The following TRIM37 variants were observed in gnomAD, a reference collection of about 807,000 sequenced individuals.
TRIM37 encodes tripartite motif containing 37, also known as E3 ubiquitin-protein ligase TRIM37.
A neutral mutation model predicts 129.8 loss-of-function variants in TRIM37; 80 were observed. The ratio of observed to expected loss-of-function variants is 0.62; its 90% CI spans 0.51 to 0.74. The LOEUF (loss-of-function observed/expected upper bound fraction) is 0.74, where lower values mean the gene tolerates loss of function less well. Ranked by LOEUF, TRIM37 falls within the 30% of genes least tolerant of loss-of-function variation. The pLI is 0.00. For missense variants in TRIM37, 1,054 were observed against 1,176.5 expected (o/e 0.90, Z 1.52); for synonymous variants, 389 against 387.1 (o/e 1.00, Z -0.06).
At chr17:59,090,677 G>A (rs2044214528) in intron 3 of TRIM37, among the ~76,000 whole-genome samples, 1 of 152,022 alleles carries the variant, frequency 6.6e-6, no homozygotes, top group African/African-American at 2.4e-5. Flanking sequence ...CTTGGCTCAA[G>A]TGCAGCAGTA....
rs2039114440 is a variant in TRIM37 at position 59,041,181 on chromosome 17, C to CA, written c.1753+631dup. Among the ~76,000 whole-genome samples, 3 of 152,050 alleles carry CA rather than the reference C, an allele frequency of 2.0e-5. No homozygotes were observed. In the South Asian group the frequency reaches 6.2e-4, roughly 32 times the overall value. Reference sequence around the variant, plus strand: ...TTAATTAAATAGATCCGAGAACACACAAAAAAGTACTCATTATATAAGTCA... The same window carrying CA: ...TTAATTAAATAGATCCGAGAACACACAAAAAAAGTACTCATTATATAAGTCA... On this transcript the variant is annotated intron_variant, in intron 17 of 23. Coordinates refer to ENST00000262294, the MANE Select transcript of TRIM37 (RefSeq NM_015294.6).
At chr17:58,977,325 C>G in the TRIM37 span, among the ~76,000 whole-genome samples, 2 of 151,810 alleles carry the variant, frequency 1.3e-5, no homozygotes, top group African/African-American at 4.8e-5. Context: ...TGCCTGTAAT[C>G]CCAGCTACTT....
Position 58,999,070 on chromosome 17 carries a change from A to AAC in TRIM37, c.*305_*306dup. ...CCTGGAGGTACATTTTCTGGCAGTT[A>AAC]ACCAGCCTTCTGCTGTAGTAGACAA... is the stretch of plus-strand genomic sequence containing the variant. On this transcript the variant is annotated 3_prime_UTR_variant, in exon 24 of 24. Coordinates refer to ENST00000262294, the MANE Select transcript of TRIM37 (RefSeq NM_015294.6). 8.4e-7 allele frequency: 1 copy of AAC among 1,187,096 alleles called. No individual in the cohort carries two copies. Among genetic ancestry groups the AAC allele is most frequent in the South Asian group, 1.9e-5 (1 of 52,118 alleles). 73.5% of individuals were successfully genotyped at this position (1,187,096 alleles called of 1,614,324 possible).
intron 18 of TRIM37, among the ~76,000 whole-genome samples, chr17:59,030,497 C>CT (rs2037731416): frequency 2.0e-5 from 3 of 152,154 alleles, no homozygotes; most frequent in African/African-American, 7.2e-5. Flanking sequence ...CCAAAACTTG[C>CT]TTTTTCTTTC....
chr17:59,039,491 C>G (rs111482292), intron 17 of TRIM37, among the ~76,000 whole-genome samples: 5,444 of 152,068 alleles, frequency 0.036, 152 homozygotes, highest in South Asian at 0.077. Context: ...GGACTACAGG[C>G]GCCTGCCATC....
At chr17:59,049,099 C>A in intron 15 of TRIM37, 79 bp downstream of exon 15, 1 of 1,141,666 alleles carries the variant, frequency 8.8e-7, no homozygotes, top group Non-Finnish European at 1.3e-6. Context: ...ACTGTTTTAG[C>A]ACATAATATG....
chr17:59,063,030 C>T (rs2041627193), intron 10 of TRIM37, among the ~76,000 whole-genome samples: 1 of 152,180 alleles, frequency 6.6e-6, no homozygotes, highest in South Asian at 2.1e-4. Context: ...GCAGTATAAT[C>T]ATCTTTTAAT....
chr17:59,037,797 G>A (rs1026312847), intron 17 of TRIM37, among the ~76,000 whole-genome samples: 4 of 151,932 alleles, frequency 2.6e-5, no homozygotes, highest in Non-Finnish European at 4.4e-5. Flanking sequence ...TTCCCCTAAT[G>A]TTCTTTTTCT....
intron 13 of TRIM37, among the ~76,000 whole-genome samples, chr17:59,054,670 T>C (rs1272940278): frequency 1.3e-5 from 2 of 151,696 alleles, no homozygotes; most frequent in Non-Finnish European, 2.9e-5. Flanking sequence ...TTATTTACTT[T>C]ATTATTATTT....
chr17:59,104,773 G>A (rs1489884084), intron 1 of TRIM37, among the ~76,000 whole-genome samples: 1 of 151,946 alleles, frequency 6.6e-6, no homozygotes, highest in Non-Finnish European at 1.5e-5. Context: ...TAATGATATA[G>A]AAAAATGCAT....
intron 14 of TRIM37, among the ~76,000 whole-genome samples, chr17:59,050,480 C>T (rs749007632): frequency 3.0e-4 from 46 of 151,980 alleles, no homozygotes; most frequent in Non-Finnish European, 5.7e-4. Flanking sequence ...ACTGCTTGAG[C>T]CCAGGAGTTC....
chr17:59,101,039 GAACAA>G (rs1480841438), intron 2 of TRIM37, among the ~76,000 whole-genome samples: 3 of 136,128 alleles, frequency 2.2e-5, no homozygotes, highest in Non-Finnish European at 4.9e-5. Context: ...AAAAAAAAAA[GAACAA>G]AACAAACAAA....
At chr17:59,040,348 A>T (rs971463342) in intron 17 of TRIM37, among the ~76,000 whole-genome samples, 1 of 152,172 alleles carries the variant, frequency 6.6e-6, no homozygotes, top group Admixed American at 6.5e-5. Flanking sequence ...GAAATGGCAA[A>T]GGAGTGGGAG....
intron 9 of TRIM37, among the ~76,000 whole-genome samples, chr17:59,068,166 A>C (rs1446342036): frequency 6.6e-6 from 1 of 152,250 alleles, no homozygotes; most frequent in East Asian, 1.9e-4. Flanking sequence ...CTGGAGAAAG[A>C]GAGAAGGCCC....
chr17:59,007,009 T>C (rs1009618771), intron 22 of TRIM37, among the ~76,000 whole-genome samples: 5 of 152,158 alleles, frequency 3.3e-5, no homozygotes, highest in East Asian at 1.9e-4. Context: ...TGGAGATATA[T>C]AGAATAAATC....
At position 59,106,755 on chromosome 17, in the gene TRIM37, G is replaced by A. The variant is rs1380613132; in HGVS notation, c.-294C>T. 8 of 565,658 alleles carry A rather than the reference G, an allele frequency of 1.4e-5. No individual in the cohort carries two copies. In the African/African-American group the frequency reaches 1.6e-4, roughly 11 times the overall value. 35.0% of individuals were successfully genotyped at this position (565,658 alleles called of 1,614,324 possible). On this transcript the variant is annotated 5_prime_UTR_variant, in exon 1 of 24. Coordinates refer to ENST00000262294, the MANE Select transcript of TRIM37 (RefSeq NM_015294.6). ...GGCCAGCAGCCGCGCCGGAACCTCG[G>A]CCCACGTGACGCGGGCGCGCGCCTA...
chr17:59,073,582 G>A lies in TRIM37; in HGVS notation c.684+2065C>T, dbSNP rs2042568556. ...TGAGATCACAGGCATGAGCCACCAC[G>A]CCCGGCCTATTTCTTTACTTTTTTA... On this transcript the variant is annotated intron_variant, in intron 8 of 23. Coordinates refer to ENST00000262294, the MANE Select transcript of TRIM37 (RefSeq NM_015294.6). Among the ~76,000 whole-genome samples the A allele has an allele frequency of 2.6e-5, 4 of 152,124 alleles. No individual in the cohort carries two copies. In the South Asian group the frequency reaches 6.2e-4, roughly 24 times the overall value.
At chr17:59,031,459 G>C (rs1371902270) in intron 18 of TRIM37, among the ~76,000 whole-genome samples, 1 of 152,060 alleles carries the variant, frequency 6.6e-6, no homozygotes, top group Non-Finnish European at 1.5e-5. Context: ...AATAACCTTT[G>C]CACAGAAAAC....
intron 17 of TRIM37, among the ~76,000 whole-genome samples, chr17:59,040,919 G>A (rs934393326): frequency 2.0e-4 from 30 of 151,950 alleles, no homozygotes; most frequent in Admixed American, 8.5e-4. Flanking sequence ...GGTGGCGGGC[G>A]CCTGTAGTCC....
Sources: gnomAD v4.1 joint callset for allele counts (sites outside exome capture counted in the v4.1 genomes callset) on GRCh38, gnomAD v4.1.1 for gene constraint, MANE v1.5 for transcripts, NCBI Gene and HGNC (gene_info 2026-07-23, HGNC 2026-07-21) for gene names.